Variants in ZDHHC20 observed in about 807,000 individuals in gnomAD.
ZDHHC20 encodes palmitoyltransferase ZDHHC20.
In ZDHHC20, 43 loss-of-function variants were observed where a neutral mutation model predicts 57.8. The observed-to-expected ratio is 0.74, with a 90% CI of 0.58 to 0.96. The LOEUF (loss-of-function observed/expected upper bound fraction) is 0.96, where lower values mean the gene tolerates loss of function less well. ZDHHC20 is among the 40% of genes least tolerant of loss of function. ZDHHC20 has a pLI of 0.00. For synonymous variants in ZDHHC20, 157 were observed against 153.0 expected, an observed-to-expected ratio of 1.03 and a Z score of -0.19; for missense variants, 391 against 441.1, an observed-to-expected ratio of 0.89 and a Z score of 1.02.
rs538516140 is a variant in ZDHHC20 at position 21,400,598 on chromosome 13, G to A, written c.474-105C>T. ...CCAGGGGCTGGTGTGGTGTGGGGAAGGGGAGCTTTTTAATGCGAATAAAAT... is the reference window on the plus strand; with the variant it reads ...CCAGGGGCTGGTGTGGTGTGGGGAAAGGGAGCTTTTTAATGCGAATAAAAT... On this transcript the variant is annotated intron_variant, in intron 6 of 12. Coordinates refer to ENST00000400590, the MANE Select transcript of ZDHHC20 (RefSeq NM_001330059.2). 20 of 1,188,368 alleles carry A rather than the reference G, an allele frequency of 1.7e-5. No homozygotes were observed. The East Asian group carries it at 3.2e-4, about 19-fold the overall frequency. The allele number at this position is 1,188,368 out of a possible 1,614,324, so 73.6% of individuals were successfully genotyped here.
At chr13:21,393,204 T>A (rs1398109596) in intron 7 of ZDHHC20, among the ~76,000 whole-genome samples, 1 of 151,262 alleles carries the variant, frequency 6.6e-6, no homozygotes, top group Non-Finnish European at 1.5e-5. Flanking sequence ...TTTTTTTTTT[T>A]AAAGATACAA....
rs1488121704 is a variant in ZDHHC20, at chr13:21,375,461, G to A, written c.*1235C>T. ...TTAATGCAACACCTCCTGTCGCTTA[G>A]ATTTTAAAAGGAAAAAGGAGAAATG... On this transcript the variant is annotated 3_prime_UTR_variant, in exon 13 of 13. Coordinates refer to ENST00000400590, the MANE Select transcript of ZDHHC20 (RefSeq NM_001330059.2). 2 of 225,358 alleles carry A rather than the reference G, an allele frequency of 8.9e-6. No homozygotes were observed. Among genetic ancestry groups the A allele is most frequent in the Admixed American group, 5.4e-5 (1 of 18,512 alleles). 14.0% of individuals were successfully genotyped at this position (225,358 alleles called of 1,614,324 possible).
intron 7 of ZDHHC20, among the ~76,000 whole-genome samples, chr13:21,398,477 A>G (rs1263880802): frequency 6.6e-6 from 1 of 151,638 alleles, no homozygotes; most frequent in African/African-American, 2.4e-5. Context: ...AAAAAAAAAA[A>G]GGAAAGAAAC....
chr13:21,400,361 A>T lies in ZDHHC20; in HGVS notation c.594+12T>A. 6.4e-7 allele frequency: 1 copy of T among 1,574,498 alleles called. No homozygotes were observed. The highest frequency in any genetic ancestry group is 8.6e-7 in the Non-Finnish European group (1 of 1,169,108). Reference sequence around the variant, plus strand: ...CTTAAATACATGTTTCAAGATAGAAAAAAAGACTTACCGTCCAAAATTTTA... The same window carrying T: ...CTTAAATACATGTTTCAAGATAGAATAAAAGACTTACCGTCCAAAATTTTA... On this transcript the variant is annotated intron_variant, in intron 7 of 12. Transcript: ENST00000400590.
rs1288222753 is a variant in ZDHHC20, at chr13:21,375,788, C to T, written c.*908G>A. The T allele has an allele frequency of 3.3e-5, 5 of 152,328 alleles. No individual in the cohort carries two copies. Among genetic ancestry groups the T allele is most frequent in the African/African-American group, 1.2e-4 (5 of 41,570 alleles). 9.4% of individuals were successfully genotyped at this position (152,328 alleles called of 1,614,324 possible). A position where few individuals can be genotyped will look rare whatever the true frequency, so the allele number is the denominator to read the frequency against. ...TGCTTTATTCTAACTGCTGTTAAAA[C>T]TCAAAACTATTTTTTTTAACAAATT... On this transcript the variant is annotated 3_prime_UTR_variant, in exon 13 of 13. Coordinates refer to ENST00000400590, the MANE Select transcript of ZDHHC20 (RefSeq NM_001330059.2).
At chr13:21,436,582 T>C (rs572156670) in intron 1 of ZDHHC20, among the ~76,000 whole-genome samples, 94 of 152,362 alleles carry the variant, frequency 6.2e-4, no homozygotes, top group Admixed American at 2.4e-3. Flanking sequence ...ACTGCATCCA[T>C]ATACGATGGA....
intron 4 of ZDHHC20, among the ~76,000 whole-genome samples, chr13:21,409,089 C>T (rs899058032): frequency 3.5e-4 from 54 of 152,246 alleles, no homozygotes; most frequent in African/African-American, 1.3e-3. Flanking sequence ...CACATCTCTG[C>T]TAGGTTTCGG....
Position 21,413,670 on chromosome 13 carries a change from T to TATAG in ZDHHC20, c.348_351dup (p.Thr118LeufsTer13). On this transcript the variant is annotated frameshift_variant, in exon 4 of 13. Transcript: ENST00000400590. LOFTEE classifies it high-confidence loss of function. ...TTCTTACTTTTTGAAGCTGATGTGG[T>TATAG]ATAGATAGGTAAAGCTCTTGCTGCT... 6.2e-7 allele frequency: 1 copy of TATAG among 1,608,180 alleles called. No individual in the cohort carries two copies. The highest frequency in any genetic ancestry group is 2.2e-5 in the East Asian group (1 of 44,686).
intron 7 of ZDHHC20, among the ~76,000 whole-genome samples, chr13:21,397,141 T>C (rs1029170582): frequency 6.6e-6 from 1 of 152,108 alleles, no homozygotes; most frequent in Admixed American, 6.5e-5. Context: ...ATGCCTGTAA[T>C]GCCAGCATTT....
chr13:21,410,041 T>G (rs1429385548), intron 4 of ZDHHC20, among the ~76,000 whole-genome samples: 1 of 152,214 alleles, frequency 6.6e-6, no homozygotes, highest in Non-Finnish European at 1.5e-5. Flanking sequence ...TGGTCTTTCA[T>G]GTTGGTGACC....
At chr13:21,414,798 A>G (rs1424759632) in intron 3 of ZDHHC20, among the ~76,000 whole-genome samples, 2 of 151,562 alleles carry the variant, frequency 1.3e-5, no homozygotes, top group Non-Finnish European at 2.9e-5. Flanking sequence ...TTCATATGTC[A>G]TCCTAACATC....
At chr13:21,441,806 G>T (rs1040190433) in intron 1 of ZDHHC20, among the ~76,000 whole-genome samples, 1 of 151,958 alleles carries the variant, frequency 6.6e-6, no homozygotes, top group South Asian at 2.1e-4. Flanking sequence ...TTTTGTCTGG[G>T]TTTTCTGTTG....
chr13:21,413,616 A>T, intron 4 of ZDHHC20, 36 bp downstream of exon 4: 2 of 1,559,860 alleles, frequency 1.3e-6, no homozygotes, highest in Non-Finnish European at 1.7e-6. Context: ...ATACTTTAAA[A>T]ATCATTTGAA....
intron 1 of ZDHHC20, among the ~76,000 whole-genome samples, chr13:21,455,633 GGTGT>G (rs3070118): frequency 0.017 from 2,587 of 148,136 alleles, 49 homozygotes; most frequent in African/African-American, 0.041. Context: ...CCAGTGAAGT[GGTGT>G]GTGTGTGTGT....
At chr13:21,410,965 G>A (rs536863640) in intron 4 of ZDHHC20, among the ~76,000 whole-genome samples, 1 of 152,312 alleles carries the variant, frequency 6.6e-6, no homozygotes, top group East Asian at 1.9e-4. Flanking sequence ...CCACTTTTGT[G>A]CTTGAAACCC....
chr13:21,433,678 T>A (rs1882244807), intron 1 of ZDHHC20, among the ~76,000 whole-genome samples: 1 of 152,178 alleles, frequency 6.6e-6, no homozygotes, highest in South Asian at 2.1e-4. Flanking sequence ...TTTGTTTGTT[T>A]GTTCTGGGAG....
chr13:21,416,657 A>T (rs143993727), intron 3 of ZDHHC20, among the ~76,000 whole-genome samples: 2 of 152,214 alleles, frequency 1.3e-5, no homozygotes, highest in South Asian at 4.1e-4. Context: ...GCAGTGGGAG[A>T]TATCAATGAA....
At chr13:21,447,201 C>T (rs1294264956) in intron 1 of ZDHHC20, among the ~76,000 whole-genome samples, 2 of 147,796 alleles carry the variant, frequency 1.4e-5, no homozygotes, top group African/African-American at 2.5e-5. Context: ...CGCCGAGGTG[C>T]GGGCTGTGAG....
intron 1 of ZDHHC20, among the ~76,000 whole-genome samples, chr13:21,448,405 G>C (rs1328926392): frequency 3.7e-5 from 4 of 107,032 alleles, no homozygotes; most frequent in Non-Finnish European, 8.8e-5. Flanking sequence ...CGCCCCGTCC[G>C]GGAGGGAGGT....
Sources: allele counts gnomAD v4.1 joint callset (sites outside exome capture counted in the v4.1 genomes callset), GRCh38; gene constraint gnomAD v4.1.1; transcripts MANE v1.5; gene names NCBI Gene and HGNC (gene_info 2026-07-23, HGNC 2026-07-21).